SPTBN1: variants seen among roughly 807,000 people sequenced by gnomAD.
SPTBN1 encodes spectrin beta chain, non-erythrocytic 1.
In SPTBN1, 32 loss-of-function variants were observed where a neutral mutation model predicts 266.4. The observed-to-expected ratio is 0.12, with a 90% CI of 0.09 to 0.16. The LOEUF is 0.16. Among genes scored for constraint, SPTBN1 ranks in the 10% least tolerant of loss-of-function variants. The pLI is 1.00. For missense variants in SPTBN1, 2,296 were observed against 3,067.1 expected (o/e 0.75, Z 5.94); for synonymous variants, 1,336 against 1,162.2 (o/e 1.15, Z -3.04).
intron 27 of SPTBN1, among the ~76,000 whole-genome samples, 154 bp downstream of exon 27, chr2:54,654,007 G>C (rs1680482509): frequency 6.6e-6 from 1 of 152,202 alleles, no homozygotes; most frequent in South Asian, 2.1e-4. Context: ...CGGCACCACT[G>C]CTTGCCTCGT....
At chr2:54,463,383 T>C (rs11902408) in intron 1 of SPTBN1, among the ~76,000 whole-genome samples, 2,100 of 152,358 alleles carry the variant, frequency 0.014, 48 homozygotes, top group African/African-American at 0.048. Context: ...TAAACATGTT[T>C]GAGTTTGAGG....
intron 3 of SPTBN1, among the ~76,000 whole-genome samples, chr2:54,608,900 A>G (rs1209216224): frequency 6.6e-6 from 1 of 152,212 alleles, no homozygotes; most frequent in African/African-American, 2.4e-5. Context: ...GTAGTCTTAA[A>G]GTAAGCTAGG....
chr2:54,570,840 T>C (rs1573438957), intron 2 of SPTBN1, among the ~76,000 whole-genome samples: 1 of 152,320 alleles, frequency 6.6e-6, no homozygotes, highest in South Asian at 2.1e-4. Flanking sequence ...GTTTACCGTG[T>C]CTTTGAAAGT....
intron 1 of SPTBN1, among the ~76,000 whole-genome samples, chr2:54,478,396 C>T (rs2103914895): frequency 6.6e-6 from 1 of 152,156 alleles, no homozygotes; most frequent in Non-Finnish European, 1.5e-5. Context: ...TGGACCTGGT[C>T]AAATGTTGGG....
At chr2:54,493,727 G>T (rs1573266923) in intron 1 of SPTBN1, among the ~76,000 whole-genome samples, 1 of 152,180 alleles carries the variant, frequency 6.6e-6, no homozygotes, top group East Asian at 1.9e-4. Context: ...CTGAATTTAG[G>T]TTAAAATTGA....
chr2:54,621,235 C>G (rs919808644), intron 7 of SPTBN1, among the ~76,000 whole-genome samples, 165 bp from the exon 8 acceptor site: 1 of 152,082 alleles, frequency 6.6e-6, no homozygotes, highest in Non-Finnish European at 1.5e-5. Context: ...ATGGTTTAAC[C>G]CTCATTATCC....
chr2:54,637,384 C>G (rs992871531), intron 17 of SPTBN1, among the ~76,000 whole-genome samples: 2 of 152,116 alleles, frequency 1.3e-5, no homozygotes, highest in Non-Finnish European at 2.9e-5. Context: ...ACTTCTCCCC[C>G]GGTGCCTAAA....
chr2:54,559,660 AG>A, intron 2 of SPTBN1, among the ~76,000 whole-genome samples: 1 of 152,296 alleles, frequency 6.6e-6, no homozygotes, highest in South Asian at 2.1e-4. Context: ...CCCAGCCAGC[AG>A]GCCCTGGCCA....
chr2:54,584,769 G>GC (rs1196695452), intron 2 of SPTBN1, among the ~76,000 whole-genome samples: 1 of 152,150 alleles, frequency 6.6e-6, no homozygotes, highest in Non-Finnish European at 1.5e-5. Flanking sequence ...AGCTTCCTAG[G>GC]CTATGTCAAG....
chr2:54,595,512 G>C (rs553390920), intron 2 of SPTBN1, among the ~76,000 whole-genome samples: 11 of 152,254 alleles, frequency 7.2e-5, no homozygotes, highest in Non-Finnish European at 1.6e-4. Context: ...AATGGTGTGA[G>C]GCACAGAAGT....
chr2:54,566,436 C>G (rs1216479849), intron 2 of SPTBN1, among the ~76,000 whole-genome samples: 2 of 152,028 alleles, frequency 1.3e-5, no homozygotes, highest in Non-Finnish European at 2.9e-5. Flanking sequence ...GATCCACCCC[C>G]CTTGGCCTCC....
chr2:54,576,072 T>TTG (rs1674447709), intron 2 of SPTBN1, among the ~76,000 whole-genome samples: 1 of 113,358 alleles, frequency 8.8e-6, no homozygotes, highest in African/African-American at 3.5e-5. Context: ...TTTTTTTTTT[T>TTG]GAGAGACAGT....
chr2:54,469,335 T>G (rs1291234630), intron 1 of SPTBN1, among the ~76,000 whole-genome samples: 2 of 152,218 alleles, frequency 1.3e-5, no homozygotes, highest in Non-Finnish European at 2.9e-5. Context: ...TAGTCTCATT[T>G]GGGTAATGGG....
intron 31 of SPTBN1, 126 bp downstream of exon 31, chr2:54,659,392 A>T: frequency 1.1e-6 from 1 of 911,020 alleles, no homozygotes; most frequent in Admixed American, 2.1e-5. Context: ...TTGCTTCCAT[A>T]GACTGTTTAA....
intron 1 of SPTBN1, among the ~76,000 whole-genome samples, chr2:54,458,948 A>G (rs1209115675): frequency 1.3e-5 from 2 of 152,202 alleles, no homozygotes; most frequent in East Asian, 1.9e-4. Flanking sequence ...TGTGTGGTGT[A>G]TGTGCGTTAT....
At chr2:54,606,140 C>G (rs1386164705) in intron 3 of SPTBN1, among the ~76,000 whole-genome samples, 1 of 152,204 alleles carries the variant, frequency 6.6e-6, no homozygotes, top group Non-Finnish European at 1.5e-5. Flanking sequence ...CTACCGCATT[C>G]ATTTGAATGT....
chr2:54,593,988 A>G (rs965406013), intron 2 of SPTBN1, among the ~76,000 whole-genome samples: 2 of 151,810 alleles, frequency 1.3e-5, no homozygotes, highest in African/African-American at 4.8e-5. Flanking sequence ...GCGTGCCACC[A>G]TGCCCGGCTA....
At chr2:54,493,429 C>G (rs368545112) in intron 1 of SPTBN1, among the ~76,000 whole-genome samples, 1 of 140,110 alleles carries the variant, frequency 7.1e-6, no homozygotes, top group Non-Finnish European at 1.6e-5. Flanking sequence ...TTGGGGGAGA[C>G]AGTCTAACTC....
chr2:54,546,974 A>AC (rs200619677), intron 2 of SPTBN1, among the ~76,000 whole-genome samples: 24 of 147,996 alleles, frequency 1.6e-4, no homozygotes, highest in Non-Finnish European at 1.5e-4. Context: ...AAAAAAAAAA[A>AC]CCACATAACA....
Sources: allele counts gnomAD v4.1 joint callset (sites outside exome capture counted in the v4.1 genomes callset), GRCh38; gene constraint gnomAD v4.1.1; transcripts MANE v1.5; gene names NCBI Gene and HGNC (gene_info 2026-07-23, HGNC 2026-07-21).